Variants in ADGRD1 observed in about 807,000 individuals in gnomAD.
ADGRD1 encodes adhesion G protein-coupled receptor D1.
Under a neutral mutation model 113.4 loss-of-function variants are expected in ADGRD1, and 77 were observed. That is an observed-to-expected ratio of 0.68 (90% CI 0.57 to 0.82). The LOEUF (loss-of-function observed/expected upper bound fraction) is 0.82, where lower values mean the gene tolerates loss of function less well. ADGRD1 is among the 40% of genes least tolerant of loss of function. ADGRD1 has a pLI of 0.00. For synonymous variants in ADGRD1, 474 were observed against 475.0 expected (o/e 1.00, Z 0.03); for missense variants, 1,036 against 1,139.1 (o/e 0.91, Z 1.30).
intron 17 of ADGRD1, among the ~76,000 whole-genome samples, chr12:131,108,471 G>A (rs1391529905): frequency 2.0e-5 from 3 of 152,142 alleles, no homozygotes; most frequent in Non-Finnish European, 4.4e-5. Flanking sequence ...CTGATTGGTT[G>A]GGCCTGAGTC....
intron 8 of ADGRD1, among the ~76,000 whole-genome samples, chr12:130,993,486 G>A (rs1007003411): frequency 2.0e-5 from 3 of 151,466 alleles, no homozygotes; most frequent in Non-Finnish European, 2.9e-5. Context: ...AGGGTTGAGG[G>A]AGTGATGACA....
chr12:130,999,381 G>A (rs7135734), intron 8 of ADGRD1, among the ~76,000 whole-genome samples: 142,072 of 152,294 alleles, frequency 0.93, 67,059 homozygotes, highest in East Asian at 1. Context: ...CTCAGTGAAG[G>A]CAGGATGGTG....
At chr12:130,998,312 C>G (rs747079281) in intron 8 of ADGRD1, among the ~76,000 whole-genome samples, 13 of 152,176 alleles carry the variant, frequency 8.5e-5, no homozygotes, top group Non-Finnish European at 1.5e-5. Flanking sequence ...TGTGGGACCC[C>G]TGGTGTAGAC....
chr12:131,135,503 C>T (rs1207498191), intron 21 of ADGRD1, among the ~76,000 whole-genome samples: 6 of 152,136 alleles, frequency 3.9e-5, no homozygotes, highest in Non-Finnish European at 4.4e-5. Flanking sequence ...GAGAACTCAC[C>T]GTCAGTGTCA....
At chr12:131,074,005 A>G (rs1255671334) in intron 13 of ADGRD1, among the ~76,000 whole-genome samples, 1 of 152,208 alleles carries the variant, frequency 6.6e-6, no homozygotes, top group Non-Finnish European at 1.5e-5. Context: ...GTCAAACCCT[A>G]GCAATACTTA....
In ADGRD1 at chr12:131,003,413, A is replaced by T. The variant is rs1025950345; in HGVS notation, c.1144+111A>T. The T allele has an allele frequency of 1.6e-5, 13 of 818,126 alleles. No individual in the cohort carries two copies. The highest frequency in any genetic ancestry group is 2.5e-5 in the Non-Finnish European group (12 of 483,960). 50.7% of individuals were successfully genotyped at this position (818,126 alleles called of 1,614,324 possible). ...CAGAGAGCCATGCTCTGTCTCCCTG[A>T]CTGCTCTGCCTGGCACAAACCACAT... On this transcript the variant is annotated intron_variant, in intron 10 of 24. Transcript: ENST00000261654. The surrounding 1 kb of genome is among the most constrained non-coding windows in gnomAD (Gnocchi z 4.8).
intron 15 of ADGRD1, among the ~76,000 whole-genome samples, chr12:131,089,534 A>T (rs1164347334): frequency 6.6e-6 from 1 of 151,966 alleles, no homozygotes; most frequent in Non-Finnish European, 1.5e-5. Flanking sequence ...TAACTGTTGG[A>T]TACCCCCTGC....
intron 13 of ADGRD1, among the ~76,000 whole-genome samples, chr12:131,016,749 C>T (rs534528761): frequency 1.2e-4 from 19 of 152,302 alleles, no homozygotes; most frequent in African/African-American, 4.1e-4. Flanking sequence ...AAAAATCAGC[C>T]GGGCATGGTG....
intron 14 of ADGRD1, among the ~76,000 whole-genome samples, chr12:131,080,780 C>G (rs1170227631): frequency 6.6e-6 from 1 of 152,124 alleles, no homozygotes; most frequent in Admixed American, 6.5e-5. Context: ...GCCACCACGC[C>G]CGGCTAATTT....
rs542667523 is a variant in ADGRD1, at chr12:130,971,835, G to A, written c.310+255G>A. Among the ~76,000 whole-genome samples the A allele has an allele frequency of 1.3e-5, 2 of 152,272 alleles. No homozygotes were observed. Among genetic ancestry groups the A allele is most frequent in the East Asian group, 1.9e-4 (1 of 5,186 alleles). On this transcript the variant is annotated intron_variant, in intron 4 of 24. Transcript: ENST00000261654. The surrounding 1 kb of genome is among the most constrained non-coding windows in gnomAD (Gnocchi z 4.2). The stretch of plus-strand genomic sequence containing the variant: ...AGATCAAAATACTTAATCTTGTAAA[G>A]GATGAAAAAAAACCTTCCTAAAAAA...
intron 12 of ADGRD1, among the ~76,000 whole-genome samples, chr12:131,010,395 C>T (rs766911052): frequency 6.6e-6 from 1 of 152,214 alleles, no homozygotes; most frequent in Non-Finnish European, 1.5e-5. Context: ...TGTTTGTTCA[C>T]TCCCCAATGT....
intron 8 of ADGRD1, among the ~76,000 whole-genome samples, chr12:130,993,011 G>C (rs114409552): frequency 0.024 from 3,579 of 152,240 alleles, 63 homozygotes; most frequent in African/African-American, 0.047. Context: ...TGAAAGCACA[G>C]CATATGGGTT....
chr12:131,081,281 T>A (rs1385497080), intron 14 of ADGRD1, among the ~76,000 whole-genome samples: 1 of 152,232 alleles, frequency 6.6e-6, no homozygotes, highest in Admixed American at 6.5e-5. Context: ...TTATATTTCA[T>A]GTAATCATTG....
rs1879459940 is a variant in ADGRD1, at chr12:131,022,702, G to A, written c.1473+8362G>A. On this transcript the variant is annotated intron_variant, in intron 13 of 24. Transcript: ENST00000261654. This position sits in a 1 kb window ranked among gnomAD's most constrained non-coding sequence, Gnocchi z 4.6. ...ACATTCAGGCATTAAAGATATGCTG[G>A]GCTCATGGAATCGGCTCTTTCCCTA... is the stretch of plus-strand genomic sequence containing the variant. The A allele has an allele frequency of 6.6e-6, 1 of 151,986 alleles. No individual in the cohort carries two copies. Among genetic ancestry groups the A allele is most frequent in the South Asian group, 2.1e-4 (1 of 4,800 alleles). The allele number at this position is 151,986 out of a possible 1,614,324, so 9.4% of individuals were successfully genotyped here. A position where few individuals can be genotyped will look rare whatever the true frequency, so the allele number is the denominator to read the frequency against.
At chr12:131,087,132 C>T (rs1886522797) in intron 15 of ADGRD1, among the ~76,000 whole-genome samples, 1 of 152,190 alleles carries the variant, frequency 6.6e-6, no homozygotes, top group African/African-American at 2.4e-5. Flanking sequence ...TCTTGAACTC[C>T]TGGCTTCAAG....
rs1873396124 is a variant in ADGRD1, at chr12:130,984,559, A to T, written c.490+2496A>T. ...CATTACCCTCCGCCTCTACACAGGC[A>T]CAGCTTCCCCCACTATGGACATTCC... is the stretch of plus-strand genomic sequence containing the variant. On this transcript the variant is annotated intron_variant, in intron 5 of 24. Transcript: ENST00000261654. This position sits in a 1 kb window ranked among gnomAD's most constrained non-coding sequence, Gnocchi z 4.1. Among the ~76,000 whole-genome samples, 1 of 152,176 alleles carries T rather than the reference A, an allele frequency of 6.6e-6. No individual in the cohort carries two copies. Among genetic ancestry groups the T allele is most frequent in the African/African-American group, 2.4e-5 (1 of 41,442 alleles).
chr12:131,121,288 G>A (rs1950587031), intron 20 of ADGRD1, among the ~76,000 whole-genome samples: 1 of 152,352 alleles, frequency 6.6e-6, no homozygotes, highest in East Asian at 1.9e-4. Flanking sequence ...CTGCAGAGGG[G>A]AATCTCAGCA....
At chr12:131,107,965 G>T (rs2137344381) in intron 17 of ADGRD1, among the ~76,000 whole-genome samples, 1 of 152,252 alleles carries the variant, frequency 6.6e-6, no homozygotes. Context: ...AGAGCTAAGG[G>T]ACACGCCCTG....
intron 15 of ADGRD1, among the ~76,000 whole-genome samples, chr12:131,095,862 C>T (rs1291050224): frequency 2.6e-5 from 4 of 152,156 alleles, no homozygotes; most frequent in Non-Finnish European, 5.9e-5. Context: ...TTGGGACATA[C>T]AGGAAGCTGG....
Sources: allele counts gnomAD v4.1 joint callset (sites outside exome capture counted in the v4.1 genomes callset), GRCh38; gene constraint gnomAD v4.1.1; non-coding constraint Gnocchi (gnomAD v3.1); transcripts MANE v1.5; gene names NCBI Gene and HGNC (gene_info 2026-07-23, HGNC 2026-07-21).